Variants in GTF2IRD2B observed in about 807,000 individuals in gnomAD.
The protein encoded by GTF2IRD2B is GTF2I repeat domain containing 2B, also known as general transcription factor II-I repeat domain-containing protein 2B.
GTF2IRD2B carries 10 observed loss-of-function variants against 55.6 expected under a neutral mutation model. That is an observed-to-expected ratio of 0.18 (90% CI 0.11 to 0.31). The LOEUF (loss-of-function observed/expected upper bound fraction) is 0.31. GTF2IRD2B is among the 10% of genes least tolerant of loss of function. GTF2IRD2B has a pLI of 1.00. For synonymous variants in GTF2IRD2B, 107 were observed against 320.5 expected, an observed-to-expected ratio of 0.33 and a Z score of 7.12; for missense variants, 206 against 802.7, an observed-to-expected ratio of 0.26 and a Z score of 8.98.
chr7:75,096,496 C>G (rs1807382774), intron 1 of GTF2IRD2B, among the ~76,000 whole-genome samples: 4 of 76,440 alleles, frequency 5.2e-5, no homozygotes, highest in Admixed American at 5.1e-4. Context: ...GATCTTGGCT[C>G]ACTGCAACCT....
chr7:75,107,006 G>T (rs1444996349), intron 1 of GTF2IRD2B, among the ~76,000 whole-genome samples: 1 of 151,128 alleles, frequency 6.6e-6, no homozygotes, highest in Non-Finnish European at 1.5e-5. Context: ...ACAGAAGTCC[G>T]AAGGGAAGTG....
chr7:75,123,065 A>C (rs1407521865), intron 4 of GTF2IRD2B, 71 bp from the exon 5 acceptor site: 2 of 1,569,878 alleles, frequency 1.3e-6, no homozygotes, highest in Non-Finnish European at 8.6e-7. Context: ...AACAAAAAAC[A>C]AAAAACAAAA....
At chr7:75,116,485 C>T (rs1183554076) in intron 3 of GTF2IRD2B, among the ~76,000 whole-genome samples, 2 of 151,132 alleles carry the variant, frequency 1.3e-5, no homozygotes, top group Non-Finnish European at 3.0e-5. Context: ...GGATTTTCTA[C>T]ATACAAAATC....
At chr7:75,102,969 A>C (rs1230617653) in intron 1 of GTF2IRD2B, among the ~76,000 whole-genome samples, 2 of 148,958 alleles carry the variant, frequency 1.3e-5, no homozygotes, top group Non-Finnish European at 3.0e-5. Flanking sequence ...AAAAAAAAAA[A>C]ACAATACATA....
chr7:75,102,089 G>A (rs1324200999), intron 1 of GTF2IRD2B, among the ~76,000 whole-genome samples: 4 of 150,000 alleles, frequency 2.7e-5, no homozygotes, highest in African/African-American at 4.9e-5. Context: ...TGCAACCTCC[G>A]CCTCCCGGGT....
chr7:75,137,064 G>A (rs1808863125), intron 11 of GTF2IRD2B, among the ~76,000 whole-genome samples: 2 of 150,838 alleles, frequency 1.3e-5, no homozygotes, highest in South Asian at 2.1e-4. Context: ...TTAGCCAGGC[G>A]TGGTGGTGCA....
chr7:75,102,481 A>C (rs1243411524), intron 1 of GTF2IRD2B, among the ~76,000 whole-genome samples: 5 of 151,444 alleles, frequency 3.3e-5, no homozygotes, highest in African/African-American at 1.2e-4. Flanking sequence ...GATTCATAAA[A>C]GGTCAGAAGT....
intron 4 of GTF2IRD2B, among the ~76,000 whole-genome samples, chr7:75,121,454 C>T (rs587751629): frequency 6.6e-6 from 1 of 151,686 alleles, no homozygotes; most frequent in South Asian, 2.1e-4. Context: ...AAGCGAGGAG[C>T]TAGTTCTTTT....
intron 4 of GTF2IRD2B, among the ~76,000 whole-genome samples, chr7:75,122,835 C>G (rs1808422926): frequency 6.7e-6 from 1 of 150,162 alleles, no homozygotes; most frequent in Non-Finnish European, 1.5e-5. Context: ...ATCGCCTGAG[C>G]TCAGCCGTTC....
At chr7:75,121,761 C>G (rs1200580991) in intron 4 of GTF2IRD2B, among the ~76,000 whole-genome samples, 2 of 147,800 alleles carry the variant, frequency 1.4e-5, no homozygotes, top group Admixed American at 1.4e-4. Flanking sequence ...GCCTGGCCAC[C>G]AGTTCTTTTT....
intron 8 of GTF2IRD2B, among the ~76,000 whole-genome samples, chr7:75,129,900 G>A (rs1159820318): frequency 6.6e-6 from 1 of 151,970 alleles, no homozygotes; most frequent in African/African-American, 2.4e-5. Flanking sequence ...TTGGAGATGT[G>A]GTTTCATTTG....
rs782653249 is a variant in GTF2IRD2B at position 75,149,330 on chromosome 7, G to A, written c.*33G>A. On this transcript the variant is annotated 3_prime_UTR_variant, in exon 16 of 16. Coordinates refer to ENST00000472837, the MANE Select transcript of GTF2IRD2B (RefSeq NM_001003795.3). ...AAAACTCCTGGCAGGGCCCTATGGT[G>A]GGAAAGGCTGGAGTCTTCTAGTCCC... 1.3e-6 allele frequency: 1 copy of A among 752,032 alleles called. No homozygotes were observed. The highest frequency in any genetic ancestry group is 2.4e-6 in the Non-Finnish European group (1 of 410,714). The allele number at this position is 752,032 out of a possible 1,614,324, so 46.6% of individuals were successfully genotyped here. A position where few individuals can be genotyped will look rare whatever the true frequency, so the allele number is the denominator to read the frequency against.
chr7:75,106,982 T>C (rs1384543348), intron 1 of GTF2IRD2B, among the ~76,000 whole-genome samples: 1 of 147,964 alleles, frequency 6.8e-6, no homozygotes, highest in Non-Finnish European at 1.5e-5. Context: ...AAATTTAGAG[T>C]GAGCTTTTAG....
Position 75,149,638 on chromosome 7 carries a change from A to G in GTF2IRD2B, c.*341A>G. ...GGTGATCCACCTGCCTCGACCTCAC[A>G]AAGTGCTGGGATTACAGGCATGAAC... is the stretch of plus-strand genomic sequence containing the variant. On this transcript the variant is annotated 3_prime_UTR_variant, in exon 16 of 16. Coordinates refer to ENST00000472837, the MANE Select transcript of GTF2IRD2B (RefSeq NM_001003795.3). 8.9e-6 allele frequency: 3 copies of G among 336,836 alleles called. No homozygotes were observed. The highest frequency in any genetic ancestry group is 1.5e-4 in the East Asian group (2 of 13,054). 20.9% of individuals were successfully genotyped at this position (336,836 alleles called of 1,614,324 possible). A position where few individuals can be genotyped will look rare whatever the true frequency, so the allele number is the denominator to read the frequency against.
Position 75,104,040 on chromosome 7 carries a change from C to T in GTF2IRD2B, c.-5-4920C>T, listed in dbSNP as rs1554421581. Among the ~76,000 whole-genome samples, 9 of 150,224 alleles carry T rather than the reference C, an allele frequency of 6.0e-5. No individual in the cohort carries two copies. The East Asian group carries it at 9.8e-4, about 16-fold the overall frequency. On this transcript the variant is annotated intron_variant, in intron 1 of 15. Coordinates refer to ENST00000472837, the MANE Select transcript of GTF2IRD2B (RefSeq NM_001003795.3). ...ATGCACTCCAGTCTGGGCGACAGAGCGAGACTCCGTCTCAAAAAAAAAAAA... is the reference window on the plus strand; with the variant it reads ...ATGCACTCCAGTCTGGGCGACAGAGTGAGACTCCGTCTCAAAAAAAAAAAA...
chr7:75,127,539 G>A (rs1175181804), intron 8 of GTF2IRD2B, among the ~76,000 whole-genome samples: 6 of 149,302 alleles, frequency 4.0e-5, no homozygotes, highest in African/African-American at 1.5e-4. Flanking sequence ...TACATAATGG[G>A]GACTAAGATG....
intron 3 of GTF2IRD2B, among the ~76,000 whole-genome samples, chr7:75,114,795 C>T (rs1271976071): frequency 1.3e-5 from 2 of 149,150 alleles, no homozygotes; most frequent in Admixed American, 6.7e-5. Flanking sequence ...GCAGGTTTTT[C>T]GTTTTTGTTT....
At position 75,109,189 on chromosome 7, in the gene GTF2IRD2B, C is replaced by T. The variant is rs1807885331; in HGVS notation, c.99+126C>T. On this transcript the variant is annotated intron_variant, in intron 2 of 15. Transcript: ENST00000472837. ...CTTTTTTTTAAGACAGAGTCTCACT[C>T]TGTCGCCCAGGCTGGAGTGCAGTGG... 9 of 652,566 alleles carry T rather than the reference C, an allele frequency of 1.4e-5. 2 individuals are homozygous for T. Among genetic ancestry groups the T allele is most frequent in the Non-Finnish European group, 2.2e-5 (9 of 401,740 alleles). The allele number at this position is 652,566 out of a possible 1,614,324, so 40.4% of individuals were successfully genotyped here. A position where few individuals can be genotyped will look rare whatever the true frequency, so the allele number is the denominator to read the frequency against.
In GTF2IRD2B at chr7:75,122,308, A is replaced by G. The variant is rs1367732294; in HGVS notation, c.359-828A>G. Among the ~76,000 whole-genome samples the G allele has an allele frequency of 3.5e-5, 5 of 141,378 alleles. 1 individual carries two copies. The highest frequency in any genetic ancestry group is 1.5e-4 in the African/African-American group (5 of 32,846). 92.7% of individuals were successfully genotyped at this position (141,378 alleles called of 152,430 possible). Reference sequence around the variant, plus strand: ...GGCATGAAGATGGGAATTTAAAAAAAAAATACGCTGGGCATGGTGGCTTGA... The same window carrying G: ...GGCATGAAGATGGGAATTTAAAAAAGAAATACGCTGGGCATGGTGGCTTGA... On this transcript the variant is annotated intron_variant, in intron 4 of 15. Coordinates refer to ENST00000472837, the MANE Select transcript of GTF2IRD2B (RefSeq NM_001003795.3).
Sources: allele counts gnomAD v4.1 joint callset (sites outside exome capture counted in the v4.1 genomes callset), GRCh38; gene constraint gnomAD v4.1.1; transcripts MANE v1.5; gene names NCBI Gene and HGNC (gene_info 2026-07-23, HGNC 2026-07-21).